DLG2: variants seen among roughly 807,000 people sequenced by gnomAD.
DLG2 encodes discs large MAGUK scaffold protein 2.
In DLG2, 45 loss-of-function variants were observed where a neutral mutation model predicts 132.5. The observed-to-expected ratio is 0.34, with a 90% CI of 0.27 to 0.44. The LOEUF is 0.44. Ranked by LOEUF, DLG2 falls within the 20% of genes least tolerant of loss-of-function variation. The probability of loss-of-function intolerance (pLI) is 1.00; values close to 1 mark genes in which losing one functional copy is unlikely to be tolerated. For synonymous variants in DLG2, 424 were observed against 419.6 expected (o/e 1.01, Z -0.13); for missense variants, 1,045 against 1,196.9 (o/e 0.87, Z 1.87).
At chr11:83,618,800 G>T (rs370045286) in intron 19 of DLG2, among the ~76,000 whole-genome samples, 2 of 152,114 alleles carry the variant, frequency 1.3e-5, no homozygotes, top group South Asian at 4.1e-4. Flanking sequence ...CAAAAATACA[G>T]CTTTGCTTTT....
chr11:83,530,111 T>C (rs1461034226), intron 21 of DLG2, among the ~76,000 whole-genome samples: 1 of 151,996 alleles, frequency 6.6e-6, no homozygotes, highest in Non-Finnish European at 1.5e-5. Context: ...TCTATCTATC[T>C]ATCTATCCAT....
At chr11:83,490,579 T>G (rs894432989) in intron 21 of DLG2, among the ~76,000 whole-genome samples, 1 of 151,948 alleles carries the variant, frequency 6.6e-6, no homozygotes, top group African/African-American at 2.4e-5. Context: ...CCAGATTATT[T>G]AATTATTAAA....
intron 3 of DLG2, among the ~76,000 whole-genome samples, chr11:85,490,295 C>T (rs964789875): frequency 1.3e-5 from 2 of 152,136 alleles, no homozygotes; most frequent in Non-Finnish European, 2.9e-5. Context: ...GAAGTTAGCA[C>T]TATTTTTGTA....
At chr11:85,235,185 A>C (rs996016150) in intron 4 of DLG2, among the ~76,000 whole-genome samples, 1 of 151,930 alleles carries the variant, frequency 6.6e-6, no homozygotes. Context: ...CTATGAAGTC[A>C]TTAGCTGCAA....
chr11:83,667,921 A>T (rs1360172515), intron 18 of DLG2, among the ~76,000 whole-genome samples: 1 of 129,850 alleles, frequency 7.7e-6, no homozygotes, highest in African/African-American at 2.9e-5. Flanking sequence ...GAGTGCAGTG[A>T]GCCGAGACCG....
intron 2 of DLG2, among the ~76,000 whole-genome samples, chr11:85,618,485 A>G (rs1413967625): frequency 1.3e-5 from 2 of 152,236 alleles, no homozygotes; most frequent in African/African-American, 4.8e-5. Flanking sequence ...TTAAAAACCC[A>G]ATGTTTATCC....
At chr11:83,713,522 C>G (rs143683525) in intron 18 of DLG2, among the ~76,000 whole-genome samples, 1 of 151,982 alleles carries the variant, frequency 6.6e-6, no homozygotes, top group Non-Finnish European at 1.5e-5. Context: ...AATGAGATGA[C>G]GATGAAAACC....
intron 7 of DLG2, among the ~76,000 whole-genome samples, chr11:84,310,819 T>C (rs1330602728): frequency 6.6e-6 from 1 of 152,206 alleles, no homozygotes; most frequent in African/African-American, 2.4e-5. Context: ...GATTTCATCC[T>C]AGGGCAACCC....
At chr11:85,196,443 G>A (rs2081074137) in intron 4 of DLG2, among the ~76,000 whole-genome samples, 1 of 152,192 alleles carries the variant, frequency 6.6e-6, no homozygotes, top group Admixed American at 6.5e-5. Flanking sequence ...GTCCTGGTCA[G>A]TGTTTCACAG....
At chr11:83,844,903 A>C (rs1003311469) in intron 16 of DLG2, among the ~76,000 whole-genome samples, 11 of 152,192 alleles carry the variant, frequency 7.2e-5, no homozygotes, top group Non-Finnish European at 1.5e-4. Flanking sequence ...CCTCCAGCTC[A>C]TTAAAAATAT....
intron 3 of DLG2, among the ~76,000 whole-genome samples, chr11:85,416,644 A>G (rs554014671): frequency 6.6e-6 from 1 of 152,220 alleles, no homozygotes; most frequent in East Asian, 1.9e-4. Flanking sequence ...GTTCTCCTTG[A>G]AGAGGTCCTT....
chr11:84,890,826 A>C (rs1482458943), intron 6 of DLG2: 1 of 152,266 alleles, frequency 6.6e-6, no homozygotes, highest in Non-Finnish European at 1.5e-5. Context: ...TACGCAGGCC[A>C]GTCTTCAGAG....
At chr11:84,537,669 G>C (rs1485555481) in intron 6 of DLG2, among the ~76,000 whole-genome samples, 1 of 152,046 alleles carries the variant, frequency 6.6e-6, no homozygotes, top group African/African-American at 2.4e-5. Context: ...CATGCTATAT[G>C]GTTGTGTATT....
intron 6 of DLG2, among the ~76,000 whole-genome samples, chr11:84,738,358 T>C (rs569808450): frequency 8.6e-5 from 13 of 152,018 alleles, no homozygotes; most frequent in Non-Finnish European, 1.3e-4. Context: ...TTGGCCTTAG[T>C]TGGTGCCAGA....
chr11:83,855,331 G>A (rs77853236), intron 16 of DLG2, among the ~76,000 whole-genome samples: 28,713 of 152,136 alleles, frequency 0.19, 2,990 homozygotes, highest in Middle Eastern at 0.35. Context: ...CTCCAAAGAA[G>A]CTGAAAACAC....
intron 18 of DLG2, among the ~76,000 whole-genome samples, chr11:83,677,651 T>C (rs898163208): frequency 6.6e-6 from 1 of 152,172 alleles, no homozygotes; most frequent in African/African-American, 2.4e-5. Flanking sequence ...AAATCATTCA[T>C]GTTAATTGCA....
chr11:85,111,355 T>C (rs1431308583), intron 6 of DLG2, among the ~76,000 whole-genome samples: 2 of 152,116 alleles, frequency 1.3e-5, no homozygotes, highest in African/African-American at 2.4e-5. Flanking sequence ...TTGCTGAATA[T>C]GCAGCTATTC....
intron 6 of DLG2, among the ~76,000 whole-genome samples, chr11:84,913,924 G>A (rs1364664391): frequency 1.3e-5 from 2 of 152,056 alleles, no homozygotes; most frequent in Non-Finnish European, 2.9e-5. Flanking sequence ...TCTTTTATTT[G>A]CGCCAAGATT....
In DLG2 at chr11:84,571,050, A is replaced by C. The variant is rs1463369001; in HGVS notation, c.358-36319T>G. On this transcript the variant is annotated intron_variant, in intron 6 of 27. Coordinates refer to ENST00000376104, the MANE Select transcript of DLG2 (RefSeq NM_001142699.3). Reference sequence around the variant, plus strand: ...AGTCTACACACATTTATGAACATCCAAAATACCCTAGCTCTGTGTTCCTAC... The same window carrying C: ...AGTCTACACACATTTATGAACATCCCAAATACCCTAGCTCTGTGTTCCTAC... Among the ~76,000 whole-genome samples the C allele has an allele frequency of 2.0e-5, 3 of 152,158 alleles. No individual in the cohort carries two copies. The East Asian group carries it at 5.8e-4, about 29-fold the overall frequency.
Sources: gnomAD v4.1 joint callset for allele counts (sites outside exome capture counted in the v4.1 genomes callset) on GRCh38, gnomAD v4.1.1 for gene constraint, MANE v1.5 for transcripts, NCBI Gene and HGNC (gene_info 2026-07-23, HGNC 2026-07-21) for gene names.